MFSD2A: variants seen among roughly 807,000 people sequenced by gnomAD.
MFSD2A encodes sodium-dependent lysophosphatidylcholine symporter 1.
A neutral mutation model predicts 64.7 loss-of-function variants in MFSD2A; 27 were observed. The ratio of observed to expected loss-of-function variants is 0.42; its 90% CI spans 0.31 to 0.58. MFSD2A has a LOEUF of 0.58. Ranked by LOEUF, MFSD2A falls within the 20% of genes least tolerant of loss-of-function variation. The probability of loss-of-function intolerance (pLI) is 0.18; values close to 1 mark genes in which losing one functional copy is unlikely to be tolerated. For missense variants in MFSD2A, 474 were observed against 679.5 expected (o/e 0.70, Z 3.36); for synonymous variants, 258 against 273.4 (o/e 0.94, Z 0.55).
intron 3 of MFSD2A, among the ~76,000 whole-genome samples, chr1:39,961,548 C>T (rs1299184802): frequency 1.3e-5 from 2 of 151,824 alleles, no homozygotes; most frequent in Non-Finnish European, 2.9e-5. Flanking sequence ...GAGGTTTCAC[C>T]GTGTTAGCCA....
Position 39,963,070 on chromosome 1 carries a change from GCAAGCCCCACA to G in MFSD2A, c.354-2139_354-2129del. 1 of 1,411,880 alleles carries G rather than the reference GCAAGCCCCACA, an allele frequency of 7.1e-7. No homozygotes were observed. The highest frequency in any genetic ancestry group is 9.7e-7 in the Non-Finnish European group (1 of 1,026,864). The allele number at this position is 1,411,880 out of a possible 1,614,324, so 87.5% of individuals were successfully genotyped here. On this transcript the variant is annotated intron_variant, in intron 3 of 13. Coordinates refer to ENST00000372811, the MANE Select transcript of MFSD2A (RefSeq NM_032793.5). This position sits in a 1 kb window ranked among gnomAD's most constrained non-coding sequence, Gnocchi z 4.2. ...AGAGGCTACTGGGGGAACAAGATCA[GCAAGCCCCACA>G]CCGTCCCTTGCAAGGTGACAGGCCG...
At chr1:39,967,312 G>A (rs1645185227) in intron 9 of MFSD2A, 143 bp downstream of exon 9, 1 of 765,356 alleles carries the variant, frequency 1.3e-6, no homozygotes, top group Non-Finnish European at 2.1e-6. Flanking sequence ...GTATTTGGTT[G>A]GACCTTGCGA....
intron 6 of MFSD2A, 116 bp downstream of exon 6, chr1:39,966,130 T>A: frequency 8.2e-7 from 1 of 1,226,022 alleles, no homozygotes; most frequent in Non-Finnish European, 1.1e-6. Context: ...GCATTTGATA[T>A]ACATAACAAT....
In MFSD2A at chr1:39,968,817, G is replaced by T; in HGVS notation, c.1529+72G>T. On this transcript the variant is annotated intron_variant, in intron 13 of 13. Transcript: ENST00000372811. This position sits in a 1 kb window ranked among gnomAD's most constrained non-coding sequence, Gnocchi z 4.4. The stretch of plus-strand genomic sequence containing the variant: ...TCTAAACCCTCAATTTGTGTCTCCT[G>T]TGGCCAAGTCCAGACTCACCCCCCA... 4 of 1,555,730 alleles carry T rather than the reference G, an allele frequency of 2.6e-6. No individual in the cohort carries two copies. The highest frequency in any genetic ancestry group is 2.3e-5 in the East Asian group (1 of 44,352).
intron 3 of MFSD2A, among the ~76,000 whole-genome samples, chr1:39,961,317 CCCGCCCCCG>C (rs1645035853): frequency 3.8e-4 from 1 of 2,666 alleles, no homozygotes; most frequent in African/African-American, 8.1e-4. Flanking sequence ...GACTTTTCTT[CCCGCCCCCG>C]CCCCCCCCCC....
chr1:39,963,893 C>G lies in MFSD2A; in HGVS notation c.354-1318C>G, dbSNP rs1465085920. ...GGGACTACAGGTGTGCGCCACCATG[C>G]CTGGTTAATTTTTGTATTTTTAGTA... On this transcript the variant is annotated intron_variant, in intron 3 of 13. Coordinates refer to ENST00000372811, the MANE Select transcript of MFSD2A (RefSeq NM_032793.5). The surrounding 1 kb of genome is among the most constrained non-coding windows in gnomAD (Gnocchi z 4.2). Among the ~76,000 whole-genome samples, 1 of 152,122 alleles carries G rather than the reference C, an allele frequency of 6.6e-6. No homozygotes were observed. The highest frequency in any genetic ancestry group is 1.5e-5 in the Non-Finnish European group (1 of 68,040).
At chr1:39,959,138 G>A (rs1366081842) in intron 3 of MFSD2A, among the ~76,000 whole-genome samples, 1 of 152,140 alleles carries the variant, frequency 6.6e-6, no homozygotes, top group African/African-American at 2.4e-5. Context: ...TTCCTGCAGT[G>A]GCCGAGGTAG....
rs777379787 is a variant in MFSD2A at position 39,966,822 on chromosome 1, G to A, written c.817G>A (p.Ala273Thr). The change falls in exon 8 of 14, where the codon GCC (alanine) becomes ACC (threonine). Residue 273 changes from alanine to threonine, a missense_variant. By Grantham distance (58) the Ala-to-Thr change is moderately conservative. Transcript: ENST00000372811. ...GCTCTGGCCCCCAGAACCCTATGAA[G>A]CCCAGCAGTCTGAGCCAATCGCCTA... ...GVREQREPYE[A>T]QQSEPIAYFR... The A allele has an allele frequency of 3.1e-6, 5 of 1,614,046 alleles. No individual in the cohort carries two copies. The highest frequency in any genetic ancestry group is 2.2e-5 in the East Asian group (1 of 44,868).
At position 39,955,237 on chromosome 1, in the gene MFSD2A, TGC is replaced by T; in HGVS notation, c.-54_-53del. 3 of 1,314,844 alleles carry T rather than the reference TGC, an allele frequency of 2.3e-6. No individual in the cohort carries two copies. The allele number at this position is 1,314,844 out of a possible 1,614,324, so 81.4% of individuals were successfully genotyped here. ...AGCGAGCTTGGGAGGAGCAGCGGCC[TGC>T]GGGGCAGAGGAGCATCCCGTCTACC... On this transcript the variant is annotated 5_prime_UTR_variant, in exon 1 of 14. Transcript: ENST00000372811. The surrounding 1 kb of genome is among the most constrained non-coding windows in gnomAD (Gnocchi z 5.9).
In MFSD2A at chr1:39,969,840, AC is replaced by A. The variant is rs200223176; in HGVS notation, c.*274del. 3 of 382,092 alleles carry A rather than the reference AC, an allele frequency of 7.9e-6. No homozygotes were observed. Among genetic ancestry groups the A allele is most frequent in the Middle Eastern group, 5.8e-4 (1 of 1,730 alleles). 23.7% of individuals were successfully genotyped at this position (382,092 alleles called of 1,614,324 possible). A position where few individuals can be genotyped will look rare whatever the true frequency, so the allele number is the denominator to read the frequency against. Reference sequence around the variant, plus strand: ...CCTAGCCCGGAACACTAATGTAGAAACCTTTTTTTTTACAGAGCCTAATTAA... The same window carrying A: ...CCTAGCCCGGAACACTAATGTAGAAACTTTTTTTTTACAGAGCCTAATTAA... On this transcript the variant is annotated 3_prime_UTR_variant, in exon 14 of 14. Coordinates refer to ENST00000372811, the MANE Select transcript of MFSD2A (RefSeq NM_032793.5).
intron 3 of MFSD2A, among the ~76,000 whole-genome samples, chr1:39,959,254 T>G (rs1002674765): frequency 1.3e-5 from 2 of 151,462 alleles, no homozygotes; most frequent in African/African-American, 4.8e-5. Context: ...TTCTTTCTTT[T>G]TTTTTTTTTT....
Position 39,966,692 on chromosome 1 carries a change from G to A in MFSD2A, c.805+1G>A. ...ATCCTGGGCGTGCGGGAGCAGAGAGGTAAGGGGGTGCCTGGGAAGGGGTGC... is the reference window on the plus strand; with the variant it reads ...ATCCTGGGCGTGCGGGAGCAGAGAGATAAGGGGGTGCCTGGGAAGGGGTGC... On this transcript the variant is annotated splice_donor_variant, in intron 7 of 13. Coordinates refer to ENST00000372811, the MANE Select transcript of MFSD2A (RefSeq NM_032793.5). LOFTEE classifies it high-confidence loss of function. The A allele has an allele frequency of 6.2e-7, 1 of 1,613,904 alleles. No individual in the cohort carries two copies. The highest frequency in any genetic ancestry group is 2.2e-5 in the East Asian group (1 of 44,886).
At chr1:39,956,585 A>C (rs1196426416) in intron 1 of MFSD2A, among the ~76,000 whole-genome samples, 1 of 152,162 alleles carries the variant, frequency 6.6e-6, no homozygotes, top group Non-Finnish European at 1.5e-5. Flanking sequence ...TGGGCTGATA[A>C]GTTTCCTTAG....
At position 39,960,966 on chromosome 1, in the gene MFSD2A, C is replaced by T. The variant is rs1018450872; in HGVS notation, c.353+2141C>T. ...GGGCTGAAGGCTGGTGTGCATATGA[C>T]CTCCCTGTCCAAACTTTTTTTCCTT... is the stretch of plus-strand genomic sequence containing the variant. On this transcript the variant is annotated intron_variant, in intron 3 of 13. Transcript: ENST00000372811. This position sits in a 1 kb window ranked among gnomAD's most constrained non-coding sequence, Gnocchi z 4.8. Among the ~76,000 whole-genome samples the T allele has an allele frequency of 5.3e-5, 8 of 152,132 alleles. No individual in the cohort carries two copies. Among genetic ancestry groups the T allele is most frequent in the African/African-American group, 1.9e-4 (8 of 41,426 alleles).
At position 39,955,310 on chromosome 1, in the gene MFSD2A, C is replaced by T; in HGVS notation, c.18C>T (p.Gly6=). 6.9e-7 allele frequency: 1 copy of T among 1,443,350 alleles called. No individual in the cohort carries two copies. The highest frequency in any genetic ancestry group is 9.1e-7 in the Non-Finnish European group (1 of 1,096,430). The allele number at this position is 1,443,350 out of a possible 1,614,324, so 89.4% of individuals were successfully genotyped here. The change falls in exon 1 of 14, where the codon GGC becomes GGT. Residue 6 remains glycine, a synonymous_variant. Transcript: ENST00000372811. This position sits in a 1 kb window ranked among gnomAD's most constrained non-coding sequence, Gnocchi z 5.9. Reference sequence around the variant, plus strand: ...CGCGGGTCATGGCCAAAGGAGAAGGCGCCGAGAGCGGCTCCGCGGCGGGGC... The same window carrying T: ...CGCGGGTCATGGCCAAAGGAGAAGGTGCCGAGAGCGGCTCCGCGGCGGGGC... The part of the protein sequence containing the change: MAKGE[G]AESGSAAGLL...
Position 39,955,205 on chromosome 1 carries a change from G to A in MFSD2A, c.-88G>A. The A allele has an allele frequency of 8.6e-7, 1 of 1,163,852 alleles. No individual in the cohort carries two copies. The highest frequency in any genetic ancestry group is 1.1e-6 in the Non-Finnish European group (1 of 902,438). 72.1% of individuals were successfully genotyped at this position (1,163,852 alleles called of 1,614,324 possible). Reference sequence around the variant, plus strand: ...GCGCGCGGCGGCCGTGGCTAAGGCTGCTACGAAGCGAGCTTGGGAGGAGCA... The same window carrying A: ...GCGCGCGGCGGCCGTGGCTAAGGCTACTACGAAGCGAGCTTGGGAGGAGCA... On this transcript the variant is annotated 5_prime_UTR_variant, in exon 1 of 14. Transcript: ENST00000372811. The surrounding 1 kb of genome is among the most constrained non-coding windows in gnomAD (Gnocchi z 5.9).
chr1:39,959,763 T>C (rs1167757173), intron 3 of MFSD2A, among the ~76,000 whole-genome samples: 1 of 152,186 alleles, frequency 6.6e-6, no homozygotes, highest in East Asian at 1.9e-4. Context: ...GAGACTTAAA[T>C]AAGTTGATAC....
At chr1:39,959,859 A>T (rs1644997208) in intron 3 of MFSD2A, among the ~76,000 whole-genome samples, 1 of 152,252 alleles carries the variant, frequency 6.6e-6, no homozygotes, top group African/African-American at 2.4e-5. Context: ...TGTGGTCCCT[A>T]GTACAGGCCA....
intron 8 of MFSD2A, 41 bp downstream of exon 8, chr1:39,966,973 A>C (rs952100240): frequency 8.7e-6 from 14 of 1,613,128 alleles, no homozygotes; most frequent in Non-Finnish European, 1.2e-5. Context: ...AAGGAGGTGT[A>C]ATGGGAGCGG....
Sources: allele counts gnomAD v4.1 joint callset (sites outside exome capture counted in the v4.1 genomes callset), GRCh38; gene constraint gnomAD v4.1.1; non-coding constraint Gnocchi (gnomAD v3.1); transcripts MANE v1.5; gene names NCBI Gene and HGNC (gene_info 2026-07-23, HGNC 2026-07-21).